The following PARD3 variants were observed in gnomAD, a reference collection of about 807,000 sequenced individuals.
PARD3 encodes partitioning defective 3 homolog.
In PARD3, 75 loss-of-function variants were observed where a neutral mutation model predicts 155.4. The ratio of observed to expected loss-of-function variants is 0.48; its 90% CI spans 0.40 to 0.58. PARD3 has a LOEUF of 0.58. Among genes scored for constraint, PARD3 ranks in the 20% least tolerant of loss-of-function variants. The pLI is 0.00. For missense variants in PARD3, 1,642 were observed against 1,721.7 expected (o/e 0.95, Z 0.82); for synonymous variants, 576 against 610.5 (o/e 0.94, Z 0.83).
At chr10:34,465,406 C>T (rs1377773623) in intron 4 of PARD3, among the ~76,000 whole-genome samples, 1 of 152,112 alleles carries the variant, frequency 6.6e-6, no homozygotes, top group East Asian at 1.9e-4. Flanking sequence ...ACATCTCACC[C>T]TTCTAATAGA....
chr10:34,260,099 C>A (rs1395289657), intron 22 of PARD3, among the ~76,000 whole-genome samples: 1 of 152,180 alleles, frequency 6.6e-6, no homozygotes, highest in African/African-American at 2.4e-5. Flanking sequence ...GTCAGCCTTC[C>A]AAGTAGCTGA....
intron 18 of PARD3, 71 bp downstream of exon 18, chr10:34,336,128 G>A (rs1424050952): frequency 9.2e-7 from 1 of 1,087,808 alleles, no homozygotes; most frequent in Non-Finnish European, 1.4e-6. Flanking sequence ...CATATGATTG[G>A]CAGCTCTATA....
chr10:34,184,043 C>T (rs998328503), intron 22 of PARD3, among the ~76,000 whole-genome samples: 13 of 152,160 alleles, frequency 8.5e-5, no homozygotes, highest in African/African-American at 3.1e-4. Context: ...GTCTCTAACT[C>T]CTAGGCTCAA....
intron 7 of PARD3, among the ~76,000 whole-genome samples, chr10:34,397,895 G>C (rs550239899): frequency 1.3e-5 from 2 of 152,094 alleles, no homozygotes; most frequent in South Asian, 4.1e-4. Context: ...ACTCCGGAAA[G>C]AAATGAAAAC....
At chr10:34,282,216 ACAAAGT>A (rs1259772597) in intron 21 of PARD3, among the ~76,000 whole-genome samples, 6 of 152,094 alleles carry the variant, frequency 3.9e-5, no homozygotes, top group Non-Finnish European at 7.4e-5. Flanking sequence ...TTATTGAAAT[ACAAAGT>A]CAAAGTATAA....
chr10:34,504,362 G>A (rs1259987469), intron 3 of PARD3, among the ~76,000 whole-genome samples: 5 of 150,002 alleles, frequency 3.3e-5, no homozygotes, highest in African/African-American at 7.4e-5. Context: ...GCCTCAAGTG[G>A]TCCTCCCACG....
chr10:34,807,929 C>T (rs2134397931), intron 1 of PARD3, among the ~76,000 whole-genome samples: 1 of 152,262 alleles, frequency 6.6e-6, no homozygotes, highest in African/African-American at 2.4e-5. Context: ...CAAGAAGGCA[C>T]AGACCTATAC....
chr10:34,784,745 C>G lies in PARD3; in HGVS notation c.120+30131G>C, dbSNP rs546957218. On this transcript the variant is annotated intron_variant, in intron 1 of 24. Coordinates refer to ENST00000374788, the MANE Select transcript of PARD3 (RefSeq NM_001184785.2). ...AGCCACCGTGCCCGGCCCCAATATACTTTTTTAAGGATTTTCTTCCCCTTT... is the reference window on the plus strand; with the variant it reads ...AGCCACCGTGCCCGGCCCCAATATAGTTTTTTAAGGATTTTCTTCCCCTTT... Among the ~76,000 whole-genome samples the G allele has an allele frequency of 2.6e-5, 4 of 152,252 alleles. No individual in the cohort carries two copies. The East Asian group carries it at 7.7e-4, about 29-fold the overall frequency.
chr10:34,616,930 C>CAAAAA (rs1171920434), intron 2 of PARD3, among the ~76,000 whole-genome samples: 2 of 89,276 alleles, frequency 2.2e-5, no homozygotes, highest in African/African-American at 7.4e-5. Flanking sequence ...GCACCTGTCT[C>CAAAAA]AAAAAAAAAA....
intron 1 of PARD3, among the ~76,000 whole-genome samples, chr10:34,720,798 CA>C (rs377520129): frequency 1.7e-4 from 24 of 144,626 alleles, no homozygotes; most frequent in Middle Eastern, 3.5e-3. Flanking sequence ...ACTCTGTCTC[CA>C]AAAAAAAAAA....
At chr10:34,323,792 C>A (rs1240341450) in intron 19 of PARD3, among the ~76,000 whole-genome samples, 2 of 152,224 alleles carry the variant, frequency 1.3e-5, no homozygotes, top group Non-Finnish European at 2.9e-5. Flanking sequence ...GCAGAGCAGG[C>A]ACAATGAGGG....
chr10:34,517,942 G>A (rs545887216), intron 2 of PARD3, among the ~76,000 whole-genome samples: 3 of 152,266 alleles, frequency 2.0e-5, no homozygotes, highest in South Asian at 4.1e-4. Flanking sequence ...GCAATGGCAC[G>A]ATTTCGGCTC....
At chr10:34,282,316 C>T (rs1026882478) in intron 21 of PARD3, among the ~76,000 whole-genome samples, 3 of 152,118 alleles carry the variant, frequency 2.0e-5, no homozygotes, top group Non-Finnish European at 4.4e-5. Flanking sequence ...TTATTTTAGG[C>T]CTCCTGTACA....
At chr10:34,582,638 G>A (rs1294864268) in intron 2 of PARD3, among the ~76,000 whole-genome samples, 4 of 152,194 alleles carry the variant, frequency 2.6e-5, no homozygotes, top group Non-Finnish European at 5.9e-5. Flanking sequence ...TGAACTGGTT[G>A]AACTGAAGCA....
At chr10:34,647,330 T>A (rs1447268177) in intron 2 of PARD3, among the ~76,000 whole-genome samples, 3 of 152,214 alleles carry the variant, frequency 2.0e-5, no homozygotes, top group Non-Finnish European at 4.4e-5. Flanking sequence ...CAGTAGTATG[T>A]ACTCACTGAA....
intron 15 of PARD3, chr10:34,346,522 TCTCTC>T: frequency 7.7e-7 from 1 of 1,302,284 alleles, no homozygotes; most frequent in Non-Finnish European, 1.0e-6. Context: ...ACACTCTCTC[TCTCTC>T]AAGGGGACTG....
intron 2 of PARD3, among the ~76,000 whole-genome samples, chr10:34,634,930 C>T (rs368548723): frequency 1.3e-5 from 2 of 152,114 alleles, no homozygotes; most frequent in African/African-American, 2.4e-5. Flanking sequence ...TCACCACAGG[C>T]GAAGCAGGAG....
chr10:34,185,562 AACAGTTAC>A (rs761804662), intron 22 of PARD3, among the ~76,000 whole-genome samples: 10 of 152,162 alleles, frequency 6.6e-5, no homozygotes, highest in Non-Finnish European at 1.3e-4. Flanking sequence ...CTCATATCTC[AACAGTTAC>A]TGGATATTTA....
chr10:34,227,884 ACTGGGAATATATATG>A (rs1952705036), intron 22 of PARD3, among the ~76,000 whole-genome samples: 5 of 124,906 alleles, frequency 4.0e-5, no homozygotes, highest in African/African-American at 6.1e-5. Context: ...ATATATATAT[ACTGGGAATATATATG>A]TATATATAAA....
Sources: gnomAD v4.1 joint callset for allele counts (sites outside exome capture counted in the v4.1 genomes callset) on GRCh38, gnomAD v4.1.1 for gene constraint, MANE v1.5 for transcripts, NCBI Gene and HGNC (gene_info 2026-07-23, HGNC 2026-07-21) for gene names.